IL1RAPL2: variants seen among roughly 807,000 people sequenced by gnomAD.
The protein encoded by IL1RAPL2 is interleukin 1 receptor accessory protein like 2.
IL1RAPL2 carries 3 observed loss-of-function variants against 44.1 expected under a neutral mutation model. That is an observed-to-expected ratio of 0.07 (90% CI 0.03 to 0.18). The LOEUF (loss-of-function observed/expected upper bound fraction) is 0.18. IL1RAPL2 is among the 10% of genes least tolerant of loss of function. IL1RAPL2 has a pLI of 1.00. For synonymous variants in IL1RAPL2, 181 were observed against 178.8 expected (o/e 1.01, Z -0.10); for missense variants, 391 against 496.4 (o/e 0.79, Z 2.02).
chrX:105,679,880 T>C (rs1249259451), intron 6 of IL1RAPL2, among the ~76,000 whole-genome samples: 3 of 112,296 alleles, frequency 2.7e-5, no homozygotes, highest in Non-Finnish European at 5.6e-5. Flanking sequence ...TTTATTTTGA[T>C]GGATGTTTTC....
chrX:104,682,135 C>T (rs758208253), intron 2 of IL1RAPL2, among the ~76,000 whole-genome samples: 46 of 112,196 alleles, frequency 4.1e-4, no homozygotes, highest in Non-Finnish European at 7.5e-4. Context: ...AGATAGCCAA[C>T]AACAACAAAA....
At chrX:105,172,694 A>G (rs2033434733) in intron 2 of IL1RAPL2, among the ~76,000 whole-genome samples, 1 of 111,546 alleles carries the variant, frequency 9.0e-6, no homozygotes, top group Non-Finnish European at 1.9e-5. Context: ...TGCCCATGTG[A>G]TTAGGTCAGG....
At chrX:105,558,290 T>C (rs1444000850) in intron 6 of IL1RAPL2, among the ~76,000 whole-genome samples, 2 of 111,790 alleles carry the variant, frequency 1.8e-5, no homozygotes, top group African/African-American at 6.5e-5. Context: ...TCAGGGTTGT[T>C]GTAACAAGTA....
chrX:104,942,705 G>A (rs1282752506), intron 2 of IL1RAPL2, among the ~76,000 whole-genome samples: 1 of 110,971 alleles, frequency 9.0e-6, no homozygotes, highest in Non-Finnish European at 1.9e-5. Context: ...CTGCCTGATT[G>A]CCCTGGCCAG....
At position 105,220,630 on chromosome X, in the gene IL1RAPL2, C is replaced by T. The variant is rs1020587782; in HGVS notation, c.357-13188C>T. 2.4e-5 allele frequency: 8 copies of T among 338,050 alleles called. No homozygotes were observed. The East Asian group carries it at 2.9e-4, about 12-fold the overall frequency. The allele number at this position is 338,050 out of a possible 1,213,427, so 27.9% of individuals were successfully genotyped here. ...AGGGCCAGAGGAAGTACAGGCCAAC[C>T]CCGCTGTCTTAACACGCCCGAAGAG... On this transcript the variant is annotated intron_variant, in intron 3 of 10. Transcript: ENST00000372582.
chrX:105,078,259 C>A (rs1413909671), intron 2 of IL1RAPL2, among the ~76,000 whole-genome samples: 1 of 111,950 alleles, frequency 8.9e-6, no homozygotes, highest in Non-Finnish European at 1.9e-5. Flanking sequence ...ACAGTCAGGA[C>A]CCTTAGCTGC....
intron 2 of IL1RAPL2, among the ~76,000 whole-genome samples, chrX:104,676,720 G>C (rs867660883): frequency 9.0e-6 from 1 of 111,521 alleles, no homozygotes; most frequent in Non-Finnish European, 1.9e-5. Context: ...CATTCTCCCC[G>C]TCACTTTCAG....
chrX:104,919,265 G>A (rs541040921), intron 2 of IL1RAPL2, among the ~76,000 whole-genome samples: 4 of 103,250 alleles, frequency 3.9e-5, no homozygotes, highest in African/African-American at 1.1e-4. Flanking sequence ...CGCTGTTGTC[G>A]CCCAGGCTGG....
intron 2 of IL1RAPL2, among the ~76,000 whole-genome samples, chrX:105,045,002 C>A (rs762539326): frequency 1.8e-5 from 2 of 111,398 alleles, no homozygotes; most frequent in African/African-American, 6.5e-5. Context: ...ACTCTAAGAG[C>A]AATACTTCCA....
At chrX:105,574,524 G>A (rs2037037226) in intron 6 of IL1RAPL2, among the ~76,000 whole-genome samples, 1 of 111,988 alleles carries the variant, frequency 8.9e-6, no homozygotes, top group African/African-American at 3.2e-5. Context: ...AATCACGTCT[G>A]AGAATATGAT....
At chrX:104,585,378 A>ATT (rs1219436377) in intron 1 of IL1RAPL2, among the ~76,000 whole-genome samples, 1,271 of 23,100 alleles carry the variant, frequency 0.055, 244 homozygotes, top group African/African-American at 0.36. Context: ...TATTATATAT[A>ATT]ATATATATTA....
intron 2 of IL1RAPL2, among the ~76,000 whole-genome samples, chrX:104,845,587 T>C (rs892855807): frequency 1.8e-5 from 2 of 112,089 alleles, no homozygotes; most frequent in African/African-American, 6.5e-5. Flanking sequence ...AGGCAGCTTC[T>C]GGGCAGATTG....
At chrX:104,783,610 G>A (rs993697251) in intron 2 of IL1RAPL2, among the ~76,000 whole-genome samples, 4 of 109,698 alleles carry the variant, frequency 3.6e-5, no homozygotes, top group Non-Finnish European at 5.7e-5. Flanking sequence ...TGAGGTATTT[G>A]GTATTTTATT....
chrX:105,031,040 T>C (rs2031483079), intron 2 of IL1RAPL2, among the ~76,000 whole-genome samples: 1 of 110,232 alleles, frequency 9.1e-6, no homozygotes. Context: ...TTTGGCTCTC[T>C]GTTTGTCTGT....
chrX:104,923,825 G>A (rs1218975980), intron 2 of IL1RAPL2, among the ~76,000 whole-genome samples: 3 of 106,543 alleles, frequency 2.8e-5, no homozygotes, highest in African/African-American at 1.0e-4. Context: ...AACATAAATG[G>A]CCTAAATGTA....
intron 2 of IL1RAPL2, among the ~76,000 whole-genome samples, chrX:104,754,958 A>C (rs961990902): frequency 7.2e-5 from 8 of 111,725 alleles, no homozygotes; most frequent in Non-Finnish European, 1.9e-5. Context: ...AGGTTTAAAC[A>C]AGCATTGAGC....
Position 104,823,548 on chromosome X carries a change from C to T in IL1RAPL2, c.82+164553C>T, listed in dbSNP as rs773349138. 5.6e-3 allele frequency among the ~76,000 whole-genome samples: 601 copies of T among 107,346 alleles called. 4 individuals carry two copies. Among genetic ancestry groups the T allele is most frequent in the Middle Eastern group, 0.014 (3 of 211 alleles). 93.2% of individuals were successfully genotyped at this position (107,346 alleles called of 115,157 possible). On this transcript the variant is annotated intron_variant, in intron 2 of 10. Coordinates refer to ENST00000372582, the MANE Select transcript of IL1RAPL2 (RefSeq NM_017416.2). ...AAGTCTTTGCTATTGTGAATAATGC[C>T]GCAATAAACATACGTGTGCATGTGT...
chrX:105,290,880 A>C (rs1217620531), intron 5 of IL1RAPL2, among the ~76,000 whole-genome samples: 1 of 111,126 alleles, frequency 9.0e-6, no homozygotes, highest in African/African-American at 3.3e-5. Context: ...AAGTGAACCA[A>C]GTTCATGGAA....
At chrX:105,035,542 A>G (rs188497807) in intron 2 of IL1RAPL2, among the ~76,000 whole-genome samples, 8 of 112,391 alleles carry the variant, frequency 7.1e-5, no homozygotes, top group Non-Finnish European at 1.1e-4. Context: ...AGTCTCTGAG[A>G]GGTCCCACAG....
Sources: gnomAD v4.1 joint callset for allele counts (sites outside exome capture counted in the v4.1 genomes callset) on GRCh38, gnomAD v4.1.1 for gene constraint, MANE v1.5 for transcripts, NCBI Gene and HGNC (gene_info 2026-07-23, HGNC 2026-07-21) for gene names.